FBN3: variants seen among roughly 807,000 people sequenced by gnomAD.
The protein encoded by FBN3 is fibrillin 3.
A neutral mutation model predicts 330.1 loss-of-function variants in FBN3; 234 were observed. The ratio of observed to expected loss-of-function variants is 0.71; its 90% confidence interval spans 0.64 to 0.79. The LOEUF (loss-of-function observed/expected upper bound fraction) is 0.79. FBN3 is among the 30% of genes least tolerant of loss of function. FBN3 has a pLI of 0.00. For synonymous variants in FBN3, 1,458 were observed against 1,517.3 expected (o/e 0.96, Z 0.91); for missense variants, 3,606 against 3,886.9 (o/e 0.93, Z 1.92).
In FBN3 at chr19:8,126,480, G is replaced by A. The variant is rs571909633; in HGVS notation, c.2542C>T (p.Arg848Cys). ...LGAAWGSPCE[R>C]CEIDPACARG... ...AGGAGGATACTACCGATCTCGCAGC[G>A]TTCGCAGGGGCTCCCCCAGGCTGCC... The change falls in exon 20 of 64, where the codon CGC (arginine) becomes TGC (cysteine). Residue 848 changes from arginine to cysteine, a missense_variant. Coordinates refer to ENST00000600128, the MANE Select transcript of FBN3 (RefSeq NM_032447.5). The A allele has an allele frequency of 2.0e-5, 33 of 1,612,588 alleles. No homozygotes were observed. The highest frequency in any genetic ancestry group is 6.7e-5 in the East Asian group (3 of 44,668).
In FBN3 at chr19:8,066,077, C is replaced by T. The variant is rs773137437; in HGVS notation, c.8272G>A (p.Val2758Ile). 14 of 1,613,234 alleles carry T rather than the reference C, an allele frequency of 8.7e-6. No individual in the cohort carries two copies. Among genetic ancestry groups the T allele is most frequent in the African/African-American group, 4.0e-5 (3 of 74,936 alleles). ...CTCCGCCCCAGCTGCAGGGAGCTGA[C>T]GCCACGGAGGTGATGCATGCGAAAG... ...GFFRMHHLRGVSSLQLGRRRP... is the reference protein window; with the variant it reads ...GFFRMHHLRGISSLQLGRRRP... Residue 2758 changes from valine (V) to isoleucine (I), a missense_variant, in exon 64 of 64, where the codon GTC (valine) becomes ATC (isoleucine). Coordinates refer to ENST00000600128, the MANE Select transcript of FBN3 (RefSeq NM_032447.5).
intron 22 of FBN3, among the ~76,000 whole-genome samples, chr19:8,124,637 A>G (rs764360574): frequency 1.3e-5 from 2 of 151,566 alleles, no homozygotes; most frequent in Non-Finnish European, 2.9e-5. Context: ...TCCCGGGTTC[A>G]AGCGATTCTC....
At chr19:8,120,595 C>T (rs1860641222) in intron 25 of FBN3, among the ~76,000 whole-genome samples, 1 of 152,022 alleles carries the variant, frequency 6.6e-6, no homozygotes, top group African/African-American at 2.4e-5. Context: ...CTCAAGGGAT[C>T]CTCCCTCCTC....
Position 8,109,693 on chromosome 19 carries a change from C to T in FBN3, c.4394G>A (p.Gly1465Asp), listed in dbSNP as rs2082533171. The change falls in exon 35 of 64, where the codon GGC (glycine) becomes GAC (aspartate). Residue 1465 changes from glycine to aspartate, a missense_variant. Gly to Asp is a moderately conservative substitution (Grantham distance 94). Transcript: ENST00000600128. This position sits in a 1 kb window ranked among gnomAD's most constrained non-coding sequence, Gnocchi z 5.2. ...CINGVCINTP[G>D]SYLCSCPQDF... ...CTGGGGGCAGCTGCAGAGGTAGCTGCCGGGGGTGTTAATGCACACGCCGTT... is the reference window on the plus strand; with the variant it reads ...CTGGGGGCAGCTGCAGAGGTAGCTGTCGGGGGTGTTAATGCACACGCCGTT... The T allele has an allele frequency of 3.2e-6, 5 of 1,562,866 alleles. No homozygotes were observed. The highest frequency in any genetic ancestry group is 4.3e-6 in the Non-Finnish European group (5 of 1,156,572).
intron 31 of FBN3, 31 bp from the exon 32 acceptor site, chr19:8,111,801 C>A (rs1568411755): frequency 6.2e-7 from 1 of 1,607,746 alleles, no homozygotes; most frequent in African/African-American, 1.3e-5. Flanking sequence ...ACCCCCCACC[C>A]CATGGTGTGT....
At chr19:8,144,821 A>C (rs2083494082) in intron 6 of FBN3, 56 bp downstream of exon 6, 55 of 1,409,668 alleles carry the variant, frequency 3.9e-5, no homozygotes, top group Non-Finnish European at 5.4e-5. Context: ...CTTCCAGGAA[A>C]CCCCCTTTCC....
At chr19:8,068,065 A>C (rs7246924) in intron 63 of FBN3, among the ~76,000 whole-genome samples, 37,410 of 151,496 alleles carry the variant, frequency 0.25, 5,200 homozygotes, top group South Asian at 0.39. Flanking sequence ...CCTGCTCCCC[A>C]AAAAAAAGAA....
chr19:8,133,056 TGA>T lies in FBN3; in HGVS notation c.1640_1641del (p.Leu547GlnfsTer27), dbSNP rs1368240682. 2.5e-6 allele frequency: 4 copies of T among 1,587,344 alleles called. No homozygotes were observed. The East Asian group carries it at 9.1e-5, about 36-fold the overall frequency. On this transcript the variant is annotated frameshift_variant, in exon 14 of 64. Transcript: ENST00000600128. LOFTEE classifies it high-confidence loss of function. Reference protein sequence around the residue: ...TSTMCVNGVCLNEDGSFSCLC... With the variant: ...TSTMCVNGVCXNEDGSFSCLC... ...AGGCAGGAGAAGCTGCCATCCTCGT[TGA>T]GACACACGCCGTTGACGCACATGGT... is the stretch of plus-strand genomic sequence containing the variant.
chr19:8,114,238 C>CT (rs2082657682), intron 30 of FBN3, among the ~76,000 whole-genome samples: 1 of 136,206 alleles, frequency 7.3e-6, no homozygotes. Context: ...GAATCAATTT[C>CT]TTTTTAATTA....
intron 10 of FBN3, among the ~76,000 whole-genome samples, chr19:8,137,554 A>G (rs536185642): frequency 6.6e-6 from 1 of 152,238 alleles, no homozygotes; most frequent in East Asian, 1.9e-4. Flanking sequence ...CCTAAATCCT[A>G]CATGACAGAC....
At chr19:8,135,936 G>GACCCCCCCCCCCC in intron 13 of FBN3, 25 bp downstream of exon 13, 2 of 668,776 alleles carry the variant, frequency 3.0e-6, no homozygotes, top group Non-Finnish European at 4.8e-6. Flanking sequence ...GGAAGCCCCT[G>GACCCCCCCCCCCC]CCCACCCGCC....
chr19:8,122,652 C>T (rs1268400228), intron 24 of FBN3, among the ~76,000 whole-genome samples: 1 of 150,356 alleles, frequency 6.7e-6, no homozygotes, highest in African/African-American at 2.5e-5. Context: ...CAGGTGTGAT[C>T]CATCGCACCT....
rs1278875471 is a variant in FBN3 at position 8,094,443 on chromosome 19, C to T, written c.5905+3G>A. 2.5e-6 allele frequency: 4 copies of T among 1,610,710 alleles called. No individual in the cohort carries two copies. Among genetic ancestry groups the T allele is most frequent in the Non-Finnish European group, 1.7e-6 (2 of 1,177,940 alleles). On this transcript the variant is annotated splice_donor_region_variant and intron_variant, in intron 47 of 63. Transcript: ENST00000600128. ...AGAAACGGGAGTGGGGCTGGACACT[C>T]ACCAATGCAGTGGTCACTCTGCACC... is the stretch of plus-strand genomic sequence containing the variant.
At chr19:8,090,483 G>GTTA (rs2082071613) in intron 48 of FBN3, among the ~76,000 whole-genome samples, 1 of 82,300 alleles carries the variant, frequency 1.2e-5, no homozygotes, top group Non-Finnish European at 2.5e-5. Context: ...TGGTGGTGGT[G>GTTA]GTGGTTTTTT....
Position 8,145,891 on chromosome 19 carries a change from C to CA in FBN3, c.396_397insT (p.Ala133CysfsTer20), listed in dbSNP as rs1568463705. On this transcript the variant is annotated frameshift_variant, in exon 5 of 64. Coordinates refer to ENST00000600128, the MANE Select transcript of FBN3 (RefSeq NM_032447.5). LOFTEE classifies it high-confidence loss of function. ...TAGCCCTTCTGACACAGACAGGACGCCCCCCGGCAGGTGCCCCCATTCATA... is the reference window on the plus strand; with the variant it reads ...TAGCCCTTCTGACACAGACAGGACGCACCCCCGGCAGGTGCCCCCATTCATA... The CA allele has an allele frequency of 2.6e-6, 4 of 1,551,054 alleles. No individual in the cohort carries two copies. The African/African-American group carries it at 5.5e-5, about 21-fold the overall frequency.
chr19:8,074,827 A>C (rs1048619388), intron 61 of FBN3: 2 of 474,100 alleles, frequency 4.2e-6, no homozygotes, highest in Non-Finnish European at 7.4e-6. Flanking sequence ...AGGTCTCAGA[A>C]TCTTTCTCAA....
intron 58 of FBN3, 89 bp downstream of exon 58, chr19:8,081,269 G>A (rs2081775950): frequency 6.6e-7 from 1 of 1,508,830 alleles, no homozygotes; most frequent in South Asian, 1.3e-5. Context: ...GGGAGGGGGT[G>A]AGATTGCAGG....
intron 8 of FBN3, among the ~76,000 whole-genome samples, chr19:8,141,051 C>T (rs948491399): frequency 7.9e-5 from 12 of 151,536 alleles, no homozygotes; most frequent in African/African-American, 2.2e-4. Flanking sequence ...AAAAATTATC[C>T]GGGCGTGGTA....
intron 41 of FBN3, among the ~76,000 whole-genome samples, chr19:8,099,498 T>C (rs938437571): frequency 2.0e-5 from 3 of 151,298 alleles, no homozygotes; most frequent in Non-Finnish European, 4.4e-5. Flanking sequence ...GCCAGGATGG[T>C]CTCGATCTCC....
Sources: allele counts gnomAD v4.1 joint callset (sites outside exome capture counted in the v4.1 genomes callset), GRCh38; gene constraint gnomAD v4.1.1; non-coding constraint Gnocchi (gnomAD v3.1); transcripts MANE v1.5; gene names NCBI Gene and HGNC (gene_info 2026-07-23, HGNC 2026-07-21).